Variants in RAPGEF4 observed in about 807,000 individuals in gnomAD.
RAPGEF4 encodes Rap guanine nucleotide exchange factor 4.
A neutral mutation model predicts 147.9 loss-of-function variants in RAPGEF4; 66 were observed. The ratio of observed to expected loss-of-function variants is 0.45; its 90% CI spans 0.37 to 0.55. The LOEUF (loss-of-function observed/expected upper bound fraction) is 0.55. RAPGEF4 is among the 20% of genes least tolerant of loss of function. RAPGEF4 has a pLI of 0.00. For synonymous variants in RAPGEF4, 419 were observed against 442.7 expected, an observed-to-expected ratio of 0.95 and a Z score of 0.67; for missense variants, 1,071 against 1,257.3, an observed-to-expected ratio of 0.85 and a Z score of 2.24.
intron 4 of RAPGEF4, among the ~76,000 whole-genome samples, chr2:172,868,608 T>C (rs1694883547): frequency 6.6e-6 from 1 of 152,174 alleles, no homozygotes; most frequent in African/African-American, 2.4e-5. Context: ...ATTCAAACAA[T>C]GGAAGCAGCT....
chr2:172,790,294 A>G (rs1043901658), intron 1 of RAPGEF4, among the ~76,000 whole-genome samples: 19 of 152,072 alleles, frequency 1.2e-4, no homozygotes, highest in Admixed American at 1.2e-3. Flanking sequence ...TCTTAATTAG[A>G]TATTAATTTT....
intron 4 of RAPGEF4, among the ~76,000 whole-genome samples, chr2:172,837,454 ACCATC>A (rs1691083072): frequency 6.6e-6 from 1 of 152,280 alleles, no homozygotes; most frequent in Admixed American, 6.5e-5. Context: ...TTTCTCTCTT[ACCATC>A]CTATGATCAA....
intron 1 of RAPGEF4, among the ~76,000 whole-genome samples, chr2:172,748,197 G>T (rs2149435443): frequency 6.6e-6 from 1 of 152,224 alleles, no homozygotes; most frequent in South Asian, 2.1e-4. Context: ...ACCCAGACAT[G>T]GGCTTGCTGC....
chr2:172,995,069 C>T (rs925863220), intron 15 of RAPGEF4, among the ~76,000 whole-genome samples: 5 of 151,982 alleles, frequency 3.3e-5, no homozygotes, highest in Admixed American at 2.6e-4. Context: ...AATGTCTGCA[C>T]ATCACTCCCT....
Position 173,042,547 on chromosome 2 carries a change from C to T in RAPGEF4, c.2853+5855C>T, listed in dbSNP as rs1402119219. Among the ~76,000 whole-genome samples, 1 of 152,000 alleles carries T rather than the reference C, an allele frequency of 6.6e-6. No homozygotes were observed. The highest frequency in any genetic ancestry group is 2.4e-5 in the African/African-American group (1 of 41,376). ...CTGAGGCAGGAGAATTGCTTGAACCCAGGTGGCAGAGGTTGCAGTGAGCCG... is the reference window on the plus strand; with the variant it reads ...CTGAGGCAGGAGAATTGCTTGAACCTAGGTGGCAGAGGTTGCAGTGAGCCG... On this transcript the variant is annotated intron_variant, in intron 29 of 30. Coordinates refer to ENST00000397081, the MANE Select transcript of RAPGEF4 (RefSeq NM_007023.4). The surrounding 1 kb of genome is among the most constrained non-coding windows in gnomAD (Gnocchi z 4.2).
intron 11 of RAPGEF4, 110 bp downstream of exon 11, chr2:172,983,690 C>T (rs1691934558): frequency 6.8e-7 from 1 of 1,481,174 alleles, no homozygotes; most frequent in Non-Finnish European, 8.9e-7. Flanking sequence ...TGATTTTCAC[C>T]TCATAAATCA....
intron 3 of RAPGEF4, among the ~76,000 whole-genome samples, chr2:172,799,833 C>T (rs573339991): frequency 1.3e-5 from 2 of 152,290 alleles, no homozygotes; most frequent in African/African-American, 4.8e-5. Flanking sequence ...GGGGATGATA[C>T]ATAACACCAG....
chr2:172,783,917 C>T (rs557531761), intron 1 of RAPGEF4, among the ~76,000 whole-genome samples: 2 of 152,100 alleles, frequency 1.3e-5, no homozygotes, highest in South Asian at 2.1e-4. Context: ...AATGTTGGTG[C>T]TGTAGTCATA....
At chr2:172,835,467 A>G (rs1258000229) in intron 4 of RAPGEF4, among the ~76,000 whole-genome samples, 1 of 152,226 alleles carries the variant, frequency 6.6e-6, no homozygotes, top group South Asian at 2.1e-4. Context: ...TGGGCATGGT[A>G]TCAAAATGAG....
At chr2:172,869,886 C>A (rs1245322639) in intron 4 of RAPGEF4, among the ~76,000 whole-genome samples, 3 of 152,120 alleles carry the variant, frequency 2.0e-5, no homozygotes, top group Non-Finnish European at 2.9e-5. Flanking sequence ...ATATGGGCTG[C>A]AGATACTATT....
chr2:172,757,539 G>T (rs1389022929), intron 1 of RAPGEF4, among the ~76,000 whole-genome samples: 2 of 152,068 alleles, frequency 1.3e-5, no homozygotes, highest in Non-Finnish European at 2.9e-5. Flanking sequence ...TTCTTCCCTT[G>T]CACAAACATA....
intron 4 of RAPGEF4, among the ~76,000 whole-genome samples, chr2:172,826,608 A>G (rs1689697264): frequency 6.6e-6 from 1 of 152,234 alleles, no homozygotes; most frequent in Admixed American, 6.5e-5. Context: ...TTTAGTAGAG[A>G]TACACCTGTT....
At chr2:173,029,438 C>G (rs1469440422) in intron 25 of RAPGEF4, among the ~76,000 whole-genome samples, 1 of 152,170 alleles carries the variant, frequency 6.6e-6, no homozygotes, top group East Asian at 1.9e-4. Flanking sequence ...AACCAAGTAC[C>G]TGTGTTAAAC....
intron 26 of RAPGEF4, among the ~76,000 whole-genome samples, chr2:173,031,090 G>C (rs1697149521): frequency 6.6e-6 from 1 of 152,204 alleles, no homozygotes; most frequent in South Asian, 2.1e-4. Flanking sequence ...GGTGCTTAAA[G>C]GCAGCTGTTT....
At chr2:172,928,780 A>G (rs1254890229) in intron 6 of RAPGEF4, among the ~76,000 whole-genome samples, 3 of 152,184 alleles carry the variant, frequency 2.0e-5, no homozygotes, top group Non-Finnish European at 2.9e-5. Context: ...TTGATTTGGC[A>G]AGCTATCCCA....
At chr2:172,753,487 CA>C (rs973120265) in intron 1 of RAPGEF4, among the ~76,000 whole-genome samples, 1 of 149,894 alleles carries the variant, frequency 6.7e-6, no homozygotes, top group Non-Finnish European at 1.5e-5. Flanking sequence ...AATACCTCTA[CA>C]AATAGAATAT....
intron 4 of RAPGEF4, among the ~76,000 whole-genome samples, chr2:172,897,959 C>T (rs72908250): frequency 0.016 from 2,389 of 152,118 alleles, 23 homozygotes; most frequent in South Asian, 0.036. Flanking sequence ...GTAAGAAGTT[C>T]CCTGGTGACT....
chr2:172,829,757 G>T (rs1034237396), intron 4 of RAPGEF4, among the ~76,000 whole-genome samples: 1 of 150,062 alleles, frequency 6.7e-6, no homozygotes, highest in African/African-American at 2.4e-5. Context: ...TGAGCCTTTT[G>T]CCTTTTAGTA....
intron 1 of RAPGEF4, among the ~76,000 whole-genome samples, chr2:172,741,622 A>G (rs1042799376): frequency 6.6e-6 from 1 of 152,248 alleles, no homozygotes; most frequent in Non-Finnish European, 1.5e-5. Flanking sequence ...TATTGTGGAA[A>G]AAATCAAAAT....
Sources: allele counts gnomAD v4.1 joint callset (sites outside exome capture counted in the v4.1 genomes callset), GRCh38; gene constraint gnomAD v4.1.1; non-coding constraint Gnocchi (gnomAD v3.1); transcripts MANE v1.5; gene names NCBI Gene and HGNC (gene_info 2026-07-23, HGNC 2026-07-21).